Variants in KAZN observed in about 807,000 individuals in gnomAD.
The protein encoded by KAZN is kazrin.
Under a neutral mutation model 87.4 loss-of-function variants are expected in KAZN, and 40 were observed. That is an observed-to-expected ratio of 0.46 (90% CI 0.36 to 0.60). KAZN has a LOEUF of 0.60. Among genes scored for constraint, KAZN ranks in the 20% least tolerant of loss-of-function variants. The probability of loss-of-function intolerance (pLI) is 0.00; values close to 1 mark genes in which losing one functional copy is unlikely to be tolerated. For synonymous variants in KAZN, 466 were observed against 458.3 expected (o/e 1.02, Z -0.22); for missense variants, 898 against 1,073.9 (o/e 0.84, Z 2.29).
At chr1:14,817,840 T>G (rs1488815776) in intron 1 of KAZN, among the ~76,000 whole-genome samples, 1 of 152,192 alleles carries the variant, frequency 6.6e-6, no homozygotes, top group East Asian at 1.9e-4. Context: ...GCCTTTCATT[T>G]GAGGTATCCT....
chr1:14,614,537 G>T (rs775400707), intron 1 of KAZN, among the ~76,000 whole-genome samples: 1 of 152,234 alleles, frequency 6.6e-6, no homozygotes, highest in Non-Finnish European at 1.5e-5. Flanking sequence ...CCCAGCCTGG[G>T]TGACCATCTG....
At chr1:14,476,214 A>G (rs898845169) in intron 2 of KAZN, among the ~76,000 whole-genome samples, 4 of 152,132 alleles carry the variant, frequency 2.6e-5, no homozygotes, top group African/African-American at 7.2e-5. Flanking sequence ...GCATCAAGCC[A>G]TTTCTCAGCA....
At chr1:14,421,717 G>A (rs1346316823) in intron 2 of KAZN, among the ~76,000 whole-genome samples, 1 of 152,116 alleles carries the variant, frequency 6.6e-6, no homozygotes, top group African/African-American at 2.4e-5. Flanking sequence ...CTGATTTTGA[G>A]AGTGGGCATG....
At chr1:13,919,199 T>G (rs1037812803) in intron 1 of KAZN, among the ~76,000 whole-genome samples, 2 of 152,238 alleles carry the variant, frequency 1.3e-5, no homozygotes, top group Non-Finnish European at 2.9e-5. Context: ...GCCTCATGCC[T>G]CCTTTTAATC....
chr1:14,711,723 C>G (rs1206278282), intron 1 of KAZN, among the ~76,000 whole-genome samples: 1 of 152,188 alleles, frequency 6.6e-6, no homozygotes, highest in Admixed American at 6.5e-5. Context: ...GTGAGTTCTG[C>G]CAGCCTTCAG....
rs1272044231 is a variant in KAZN at position 15,056,455 on chromosome 1, G to A, written c.916+175G>A. Among the ~76,000 whole-genome samples, 1 of 152,148 alleles carries A rather than the reference G, an allele frequency of 6.6e-6. No individual in the cohort carries two copies. The highest frequency in any genetic ancestry group is 2.4e-5 in the African/African-American group (1 of 41,436). ...TAAGAGATGGACAGCAGGCATAGCTGGATCCAGAGGTTCAAACACTATCTG... is the reference window on the plus strand; with the variant it reads ...TAAGAGATGGACAGCAGGCATAGCTAGATCCAGAGGTTCAAACACTATCTG... On this transcript the variant is annotated intron_variant, in intron 5 of 14. Coordinates refer to ENST00000376030, the MANE Select transcript of KAZN (RefSeq NM_201628.3). This position sits in a 1 kb window ranked among gnomAD's most constrained non-coding sequence, Gnocchi z 5.4.
At chr1:14,644,766 C>G (rs954105499) in intron 1 of KAZN, among the ~76,000 whole-genome samples, 1 of 152,138 alleles carries the variant, frequency 6.6e-6, no homozygotes, top group African/African-American at 2.4e-5. Flanking sequence ...TGTCTGTTTA[C>G]CCTGTTGATA....
At chr1:14,084,667 G>A (rs956968247) in intron 1 of KAZN, among the ~76,000 whole-genome samples, 9 of 147,212 alleles carry the variant, frequency 6.1e-5, no homozygotes, top group Non-Finnish European at 1.2e-4. Context: ...AAACCTAATT[G>A]GCCATCTTAT....
chr1:15,015,136 A>T (rs1056158052), intron 2 of KAZN, among the ~76,000 whole-genome samples: 1 of 99,454 alleles, frequency 1.0e-5, no homozygotes, highest in African/African-American at 4.6e-5. Flanking sequence ...TTTTCTTTTT[A>T]TTTATTTATT....
chr1:14,276,718 C>T (rs1338476435), intron 2 of KAZN, among the ~76,000 whole-genome samples: 1 of 152,176 alleles, frequency 6.6e-6, no homozygotes, highest in Non-Finnish European at 1.5e-5. Flanking sequence ...TTAATGACCT[C>T]ATCTTAATTT....
At chr1:14,338,152 G>A (rs987513089) in intron 2 of KAZN, among the ~76,000 whole-genome samples, 1 of 151,970 alleles carries the variant, frequency 6.6e-6, no homozygotes, top group Non-Finnish European at 1.5e-5. Flanking sequence ...ATGGTTTTAG[G>A]AATGACATTG....
intron 2 of KAZN, among the ~76,000 whole-genome samples, chr1:14,186,707 C>T (rs1277975854): frequency 6.6e-6 from 1 of 152,080 alleles, no homozygotes; most frequent in Admixed American, 6.5e-5. Context: ...GTATTATTAC[C>T]ACAAGGAAGA....
intron 1 of KAZN, among the ~76,000 whole-genome samples, chr1:14,900,136 G>A (rs536390278): frequency 6.6e-6 from 1 of 152,300 alleles, no homozygotes; most frequent in African/African-American, 2.4e-5. Context: ...CGATGGCTAT[G>A]ACATGGGGTT....
At chr1:14,356,237 G>A (rs897576421) in intron 2 of KAZN, among the ~76,000 whole-genome samples, 5 of 151,092 alleles carry the variant, frequency 3.3e-5, no homozygotes, top group African/African-American at 7.2e-5. Flanking sequence ...CTTTTGAGAA[G>A]TGTCTGTTCA....
intron 2 of KAZN, among the ~76,000 whole-genome samples, chr1:14,489,278 T>A (rs911842679): frequency 6.6e-6 from 1 of 152,218 alleles, no homozygotes; most frequent in Non-Finnish European, 1.5e-5. Flanking sequence ...ATATCTATTA[T>A]ACACATCTAT....
intron 11 of KAZN, among the ~76,000 whole-genome samples, chr1:15,102,937 G>C (rs1019466964): frequency 6.6e-6 from 1 of 152,188 alleles, no homozygotes; most frequent in Admixed American, 6.5e-5. Context: ...AAGGAGGCAC[G>C]TGTGGGAGAT....
At chr1:15,048,408 C>G (rs559441101) in intron 4 of KAZN, among the ~76,000 whole-genome samples, 1 of 147,786 alleles carries the variant, frequency 6.8e-6, no homozygotes, top group Non-Finnish European at 1.5e-5. Context: ...CCCCAAGGGA[C>G]CGCATGTGTG....
At chr1:14,833,550 A>C (rs1647115685) in intron 1 of KAZN, among the ~76,000 whole-genome samples, 1 of 152,176 alleles carries the variant, frequency 6.6e-6, no homozygotes, top group African/African-American at 2.4e-5. Context: ...AGGGGCAGGG[A>C]AAGTAGGGTA....
chr1:13,963,980 A>G (rs1270752585), intron 1 of KAZN, among the ~76,000 whole-genome samples: 2 of 152,146 alleles, frequency 1.3e-5, no homozygotes, highest in African/African-American at 4.8e-5. Context: ...TCTACCTCCT[A>G]ATGCTGTTGT....
Sources: gnomAD v4.1 joint callset for allele counts (sites outside exome capture counted in the v4.1 genomes callset) on GRCh38, gnomAD v4.1.1 for gene constraint, Gnocchi (gnomAD v3.1) non-coding constraint, MANE v1.5 for transcripts, NCBI Gene and HGNC (gene_info 2026-07-23, HGNC 2026-07-21) for gene names.